Variants in COPS5 observed in about 807,000 individuals in gnomAD.
The protein encoded by COPS5 is COP9 signalosome complex subunit 5.
Under a neutral mutation model 44.4 loss-of-function variants are expected in COPS5, and 8 were observed. The ratio of observed to expected loss-of-function variants is 0.18; its 90% CI spans 0.11 to 0.32. COPS5 has a LOEUF of 0.32. COPS5 is among the 10% of genes least tolerant of loss of function. The pLI is 1.00. For missense variants in COPS5, 159 were observed against 406.4 expected, an observed-to-expected ratio of 0.39 and a Z score of 5.23; for synonymous variants, 122 against 142.8, an observed-to-expected ratio of 0.85 and a Z score of 1.04.
intron 7 of COPS5, chr8:67,043,554 T>C (rs899442665): frequency 1.2e-5 from 4 of 329,852 alleles, no homozygotes; most frequent in East Asian, 5.2e-5. Flanking sequence ...TTTGATACAA[T>C]TGTTCTGTTT....
At chr8:67,057,236 C>T (rs540971942) in intron 4 of COPS5, 144 bp downstream of exon 4, 27 of 412,840 alleles carry the variant, frequency 6.5e-5, no homozygotes, top group African/African-American at 3.9e-4. Context: ...GCATTCCTAC[C>T]GTCCCAGCTA....
At position 67,057,360 on chromosome 8, in the gene COPS5, T is replaced by C. The variant is rs368146534; in HGVS notation, c.573+20A>G. 2 of 1,552,452 alleles carry C rather than the reference T, an allele frequency of 1.3e-6. No homozygotes were observed. Among genetic ancestry groups the C allele is most frequent in the Admixed American group, 3.5e-5 (2 of 57,436 alleles). ...AGGTAACACAGTGAGACTCTAACTC[T>C]TAAAAAAAAAAAAAGTTACCTTTGG... is the stretch of plus-strand genomic sequence containing the variant. On this transcript the variant is annotated intron_variant, in intron 4 of 7. Transcript: ENST00000357849.
intron 1 of COPS5, chr8:67,061,293 A>G: frequency 2.7e-6 from 1 of 376,550 alleles, no homozygotes; most frequent in South Asian, 1.9e-5. Context: ...AATAATTACC[A>G]GCAATCAAAA....
At position 67,057,370 on chromosome 8, in the gene COPS5, A is replaced by G; in HGVS notation, c.573+10T>C. The G allele has an allele frequency of 6.3e-7, 1 of 1,597,502 alleles. No individual in the cohort carries two copies. Among genetic ancestry groups the G allele is most frequent in the East Asian group, 2.2e-5 (1 of 44,670 alleles). ...GTGAGACTCTAACTCTTAAAAAAAA[A>G]AAAAGTTACCTTTGGGTATGTCCTA... is the stretch of plus-strand genomic sequence containing the variant. On this transcript the variant is annotated intron_variant, in intron 4 of 7. Transcript: ENST00000357849.
In COPS5 at chr8:67,043,210, G is replaced by A; in HGVS notation, c.*23C>T. On this transcript the variant is annotated 3_prime_UTR_variant, in exon 8 of 8. Coordinates refer to ENST00000357849, the MANE Select transcript of COPS5 (RefSeq NM_006837.3). ...ATATTTTTCTCATACTGTCTTTCAG[G>A]TAAAGTACTTCTCAGAGACTGTTTA... is the stretch of plus-strand genomic sequence containing the variant. 7.5e-7 allele frequency: 1 copy of A among 1,334,832 alleles called. No homozygotes were observed. The highest frequency in any genetic ancestry group is 1.1e-6 in the Non-Finnish European group (1 of 938,366). 82.7% of individuals were successfully genotyped at this position (1,334,832 alleles called of 1,614,324 possible). A position where few individuals can be genotyped will look rare whatever the true frequency, so the allele number is the denominator to read the frequency against.
In COPS5 at chr8:67,051,459, CTT is replaced by C. The variant is rs1303368007; in HGVS notation, c.660-120_660-119del. 3 of 616,428 alleles carry C rather than the reference CTT, an allele frequency of 4.9e-6. No homozygotes were observed. In the African/African-American group the frequency reaches 5.5e-5, roughly 11 times the overall value. 38.2% of individuals were successfully genotyped at this position (616,428 alleles called of 1,614,324 possible). On this transcript the variant is annotated intron_variant, in intron 5 of 7. Transcript: ENST00000357849. ...TATTCTCAAATATTCACATTTTAGT[CTT>C]TATTCCAATAAGGCAATAGCTAACC...
chr8:67,047,753 G>A, intron 6 of COPS5: 1 of 701,664 alleles, frequency 1.4e-6, no homozygotes, highest in South Asian at 1.5e-5. Flanking sequence ...GGGCTGAGTA[G>A]GTAGATCTGC....
At chr8:67,051,417 T>G (rs551657141) in intron 5 of COPS5, 76 bp from the exon 6 acceptor site, 23 of 729,876 alleles carry the variant, frequency 3.2e-5, no homozygotes, top group Non-Finnish European at 9.2e-6. Context: ...ATGGCCAGAT[T>G]TAAGTGAGTT....
chr8:67,061,213 T>A (rs1014813982), intron 1 of COPS5: 6 of 266,496 alleles, frequency 2.3e-5, no homozygotes, highest in Non-Finnish European at 2.3e-5. Flanking sequence ...ATTTTTATAA[T>A]TTCTGGCTTA....
intron 7 of COPS5, chr8:67,045,130 T>G (rs1343418807): frequency 2.6e-5 from 4 of 152,134 alleles, no homozygotes; most frequent in Admixed American, 6.6e-5. Context: ...AAAGCTTTAT[T>G]GAATATTAAC....
chr8:67,045,398 G>C (rs1347562953), intron 7 of COPS5: 1 of 154,190 alleles, frequency 6.5e-6, no homozygotes, highest in Non-Finnish European at 1.4e-5. Flanking sequence ...AGGTTGCAGT[G>C]AGCCAAGATC....
intron 1 of COPS5, chr8:67,060,115 TC>T (rs937427932): frequency 1.1e-5 from 2 of 180,196 alleles, no homozygotes; most frequent in Non-Finnish European, 2.4e-5. Flanking sequence ...CCCTGTTATA[TC>T]AGCCTTAAAT....
chr8:67,050,284 AGCCACCGC>A (rs1804380504), intron 6 of COPS5, among the ~76,000 whole-genome samples: 1 of 151,856 alleles, frequency 6.6e-6, no homozygotes, highest in African/African-American at 2.4e-5. Context: ...TACAGGCGTA[AGCCACCGC>A]GCCCGGCCTC....
At chr8:67,059,067 T>C (rs1804550816) in intron 2 of COPS5, 144 bp downstream of exon 2, 1 of 606,028 alleles carries the variant, frequency 1.7e-6, no homozygotes. Context: ...TATCAGGCTT[T>C]TAATCTCGTA....
intron 7 of COPS5, chr8:67,044,759 C>G (rs1816679232): frequency 6.6e-6 from 1 of 151,828 alleles, no homozygotes. Flanking sequence ...GCCACCACGC[C>G]CGGTTAATTT....
intron 2 of COPS5, 58 bp from the exon 3 acceptor site, chr8:67,058,269 C>T (rs546550724): frequency 1.9e-6 from 3 of 1,559,116 alleles, no homozygotes; most frequent in African/African-American, 2.7e-5. Flanking sequence ...TTACAAGGTA[C>T]CAGTACAATA....
intron 7 of COPS5, chr8:67,044,471 CTCT>C (rs1340115298): frequency 6.6e-6 from 1 of 152,190 alleles, no homozygotes; most frequent in African/African-American, 2.4e-5. Flanking sequence ...CTACTCTTTT[CTCT>C]TCTTTTCCCT....
intron 5 of COPS5, among the ~76,000 whole-genome samples, chr8:67,052,664 C>T (rs1315249229): frequency 6.6e-6 from 1 of 151,492 alleles, no homozygotes; most frequent in African/African-American, 2.4e-5. Flanking sequence ...GTGATCTGCC[C>T]GCCTTGGCGT....
At chr8:67,056,682 T>G (rs867711103) in intron 4 of COPS5, 78 bp from the exon 5 acceptor site, 2 of 102,864 alleles carry the variant, frequency 1.9e-5, no homozygotes, top group South Asian at 3.4e-4. Context: ...TATATATATA[T>G]ATATATATAT....
Sources: gnomAD v4.1 joint callset for allele counts (sites outside exome capture counted in the v4.1 genomes callset) on GRCh38, gnomAD v4.1.1 for gene constraint, MANE v1.5 for transcripts, NCBI Gene and HGNC (gene_info 2026-07-23, HGNC 2026-07-21) for gene names.